The following PLAA variants were observed in gnomAD, a reference collection of about 807,000 sequenced individuals.
PLAA encodes the protein phospholipase A2 activating protein.
Under a neutral mutation model 84.1 loss-of-function variants are expected in PLAA, and 48 were observed. The ratio of observed to expected loss-of-function variants is 0.57; its 90% CI spans 0.45 to 0.73. PLAA has a LOEUF of 0.73. Among genes scored for constraint, PLAA ranks in the 30% least tolerant of loss-of-function variants. The pLI is 0.00. For synonymous variants in PLAA, 392 were observed against 336.6 expected (o/e 1.16, Z -1.80); for missense variants, 903 against 954.7 (o/e 0.95, Z 0.71).
At chr9:26,935,995 C>G (rs1002635529) in intron 1 of PLAA, among the ~76,000 whole-genome samples, 1 of 152,042 alleles carries the variant, frequency 6.6e-6, no homozygotes, top group East Asian at 1.9e-4. Flanking sequence ...GTTCAACCAG[C>G]AGATTATGAT....
intron 12 of PLAA, among the ~76,000 whole-genome samples, chr9:26,909,420 T>C (rs1824330988): frequency 6.6e-6 from 1 of 152,188 alleles, no homozygotes; most frequent in African/African-American, 2.4e-5. Context: ...TATAAATTTT[T>C]ACAATACTGA....
chr9:26,929,890 T>C (rs963583983), intron 2 of PLAA, among the ~76,000 whole-genome samples: 11 of 152,158 alleles, frequency 7.2e-5, no homozygotes, highest in Non-Finnish European at 1.6e-4. Flanking sequence ...TAACTCTCCC[T>C]TTTTGGACAC....
chr9:26,937,698 C>G (rs1288184040), intron 1 of PLAA, among the ~76,000 whole-genome samples: 3 of 151,840 alleles, frequency 2.0e-5, no homozygotes, highest in Non-Finnish European at 2.9e-5. Context: ...AGTAAAGAGG[C>G]AGAAAACCTA....
chr9:26,928,021 T>C, intron 4 of PLAA, 79 bp downstream of exon 4: 1 of 1,434,916 alleles, frequency 7.0e-7, no homozygotes, highest in South Asian at 1.3e-5. Flanking sequence ...AATATTTTCA[T>C]GCTTGTAAAC....
intron 2 of PLAA, among the ~76,000 whole-genome samples, chr9:26,929,163 T>G (rs1288587287): frequency 6.6e-6 from 1 of 151,888 alleles, no homozygotes; most frequent in East Asian, 1.9e-4. Flanking sequence ...CATATACCAC[T>G]GCACTTCACG....
chr9:26,905,763 A>G lies in PLAA; in HGVS notation c.2136T>C (p.Cys712=). The G allele has an allele frequency of 6.2e-7, 1 of 1,614,190 alleles. No individual in the cohort carries two copies. The highest frequency in any genetic ancestry group is 8.5e-7 in the Non-Finnish European group (1 of 1,180,044). The change falls in exon 14 of 14, where the codon TGT becomes TGC. Residue 712 remains cysteine, a synonymous_variant. Coordinates refer to ENST00000397292, the MANE Select transcript of PLAA (RefSeq NM_001031689.3). ...LATLALNYSV[C]FHKDHNIEGK... ...CTTCAATGTTATGGTCTTTATGAAA[A>G]CAAACAGAATAGTTCAGGGCCAATG...
chr9:26,926,340 A>G, intron 5 of PLAA, 53 bp downstream of exon 5: 1 of 1,205,106 alleles, frequency 8.3e-7, no homozygotes, highest in Non-Finnish European at 1.2e-6. Context: ...CACAAATGGG[A>G]TGGAATAATG....
Position 26,904,128 on chromosome 9 carries a change from A to C in PLAA, c.*1383T>G, listed in dbSNP as rs1824160388. The stretch of plus-strand genomic sequence containing the variant: ...CAAAGTACATATCCCCTCTATTTAC[A>C]TTTTGCTCATTTCCTTTTGATATTC... On this transcript the variant is annotated 3_prime_UTR_variant, in exon 14 of 14. Coordinates refer to ENST00000397292, the MANE Select transcript of PLAA (RefSeq NM_001031689.3). 1 of 152,488 alleles carries C rather than the reference A, an allele frequency of 6.6e-6. No individual in the cohort carries two copies. Among genetic ancestry groups the C allele is most frequent in the African/African-American group, 2.4e-5 (1 of 41,412 alleles). The allele number at this position is 152,488 out of a possible 1,614,324, so 9.4% of individuals were successfully genotyped here.
chr9:26,942,374 A>G (rs1367642533), intron 1 of PLAA, among the ~76,000 whole-genome samples: 2 of 152,246 alleles, frequency 1.3e-5, no homozygotes, highest in Admixed American at 6.5e-5. Context: ...GAAAGTTTGC[A>G]TTGTCAGGAG....
rs1259799327 is a variant in PLAA at position 26,928,232 on chromosome 9, A to T, written c.445-12T>A. ...GCAGCTGTATGACCCTGTGAGTAAA[A>T]TGAGTATCAATTTAAGTTGCCACAG... is the stretch of plus-strand genomic sequence containing the variant. On this transcript the variant is annotated splice_polypyrimidine_tract_variant and intron_variant, in intron 3 of 13. Transcript: ENST00000397292. 17 of 1,613,978 alleles carry T rather than the reference A, an allele frequency of 1.1e-5. No homozygotes were observed. The highest frequency in any genetic ancestry group is 1.4e-5 in the Non-Finnish European group (16 of 1,179,974).
rs1057181763 is a variant in PLAA, at chr9:26,905,862, C to T, written c.2037G>A (p.Gln679=). ...TTGCATGGGACATCAGTGATTCCCTCTGGGACATCATGAGTTTTTGTCCTG... is the reference window on the plus strand; with the variant it reads ...TTGCATGGGACATCAGTGATTCCCTTTGGGACATCATGAGTTTTTGTCCTG... ...GQAGQKLMMS[Q]RESLMSHAIE... is the part of the protein sequence containing the mutation. The change falls in exon 14 of 14, where the codon CAG becomes CAA. Residue 679 remains glutamine (Q), a synonymous_variant. Transcript: ENST00000397292. 1 of 1,614,102 alleles carries T rather than the reference C, an allele frequency of 6.2e-7. No homozygotes were observed. The highest frequency in any genetic ancestry group is 1.7e-5 in the Admixed American group (1 of 60,022).
At position 26,910,259 on chromosome 9, in the gene PLAA, C is replaced by T; in HGVS notation, c.1657+79G>A. On this transcript the variant is annotated intron_variant, in intron 12 of 13. Transcript: ENST00000397292. ...CATATTAAGTACCCAATTCCTGACA[C>T]ATGTTGGCAAGAGAAACAACCTTGA... 4 of 980,830 alleles carry T rather than the reference C, an allele frequency of 4.1e-6. No homozygotes were observed. The South Asian group carries it at 5.3e-5, about 13-fold the overall frequency. The allele number at this position is 980,830 out of a possible 1,614,324, so 60.8% of individuals were successfully genotyped here. A position where few individuals can be genotyped will look rare whatever the true frequency, so the allele number is the denominator to read the frequency against.
intron 2 of PLAA, among the ~76,000 whole-genome samples, chr9:26,929,819 G>A (rs577745885): frequency 6.6e-6 from 1 of 152,284 alleles, no homozygotes; most frequent in African/African-American, 2.4e-5. Flanking sequence ...GCATCACTCA[G>A]AGGAGACTTT....
chr9:26,923,160 G>A lies in PLAA; in HGVS notation c.1039+18C>T. 6.5e-7 allele frequency: 1 copy of A among 1,535,554 alleles called. No individual in the cohort carries two copies. Among genetic ancestry groups the A allele is most frequent in the Non-Finnish European group, 8.8e-7 (1 of 1,132,230 alleles). ...AAATATGGTGAATTTTTTCTACTAG[G>A]TACAATAAAATACTTACCAGGTTCA... On this transcript the variant is annotated intron_variant, in intron 7 of 13. Transcript: ENST00000397292.
At chr9:26,946,484 T>G (rs953206194) in intron 1 of PLAA, among the ~76,000 whole-genome samples, 4 of 149,768 alleles carry the variant, frequency 2.7e-5, no homozygotes, top group African/African-American at 9.8e-5. Flanking sequence ...AAATTAAATT[T>G]TACAGAAGAC....
intron 1 of PLAA, among the ~76,000 whole-genome samples, chr9:26,938,523 G>T (rs572514262): frequency 2.1e-5 from 3 of 145,154 alleles, no homozygotes; most frequent in Non-Finnish European, 4.5e-5. Flanking sequence ...CTGTATGCCC[G>T]CCTGGGCCAA....
At chr9:26,915,627 T>C in intron 10 of PLAA, 1 of 852,534 alleles carries the variant, frequency 1.2e-6, no homozygotes, top group Admixed American at 6.2e-5. Context: ...TACCTCAATA[T>C]GGTAGATGCT....
intron 2 of PLAA, 76 bp from the exon 3 acceptor site, chr9:26,928,484 C>T: frequency 9.8e-7 from 1 of 1,023,424 alleles, no homozygotes; most frequent in Non-Finnish European, 1.5e-6. Context: ...TAAAGCATTC[C>T]AATTTTAAAA....
At chr9:26,940,104 T>G (rs1430861910) in intron 1 of PLAA, among the ~76,000 whole-genome samples, 1 of 152,182 alleles carries the variant, frequency 6.6e-6, no homozygotes, top group East Asian at 1.9e-4. Flanking sequence ...TGGAAATTCC[T>G]AGAAAAATTA....
Sources: gnomAD v4.1 joint callset for allele counts (sites outside exome capture counted in the v4.1 genomes callset) on GRCh38, gnomAD v4.1.1 for gene constraint, MANE v1.5 for transcripts, NCBI Gene and HGNC (gene_info 2026-07-23, HGNC 2026-07-21) for gene names.